The following EFR3A variants were observed in gnomAD, a reference collection of about 807,000 sequenced individuals.
EFR3A encodes the protein protein EFR3 homolog A.
A neutral mutation model predicts 104.4 loss-of-function variants in EFR3A; 76 were observed. That is an observed-to-expected ratio of 0.73 (90% CI 0.60 to 0.88). The LOEUF is 0.88. EFR3A is among the 40% of genes least tolerant of loss of function. The pLI is 0.00. For missense variants in EFR3A, 985 were observed against 1,012.5 expected (o/e 0.97, Z 0.37); for synonymous variants, 330 against 330.0 (o/e 1.00, Z 0.00).
At position 131,978,872 on chromosome 8, in the gene EFR3A, C is replaced by T. The variant is rs770980074; in HGVS notation, c.1352C>T (p.Thr451Met). Residue 451 changes from threonine (T) to methionine (M), a missense_variant, in exon 13 of 23, where the codon ACG becomes ATG. Transcript: ENST00000254624. The part of the protein sequence containing the change: ...LMVTSGYKAK[T>M]IVTALPGSFL... ...GTGACCTCTGGATATAAAGCGAAGA[C>T]GATTGTTACTGCACTGCCAGGGTCT... 40 of 1,604,558 alleles carry T rather than the reference C, an allele frequency of 2.5e-5. No homozygotes were observed. Among genetic ancestry groups the T allele is most frequent in the East Asian group, 1.8e-4 (8 of 44,654 alleles).
intron 10 of EFR3A, among the ~76,000 whole-genome samples, chr8:131,975,377 A>G (rs1038627260): frequency 4.6e-5 from 7 of 151,282 alleles, no homozygotes; most frequent in Admixed American, 2.0e-4. Flanking sequence ...CATCAGAAAT[A>G]CTACCAAAAT....
chr8:131,987,991 C>A (rs1189164409), intron 18 of EFR3A, among the ~76,000 whole-genome samples: 1 of 151,948 alleles, frequency 6.6e-6, no homozygotes, highest in Non-Finnish European at 1.5e-5. Flanking sequence ...AAAGTGAGAT[C>A]TTTTCTCATT....
chr8:131,927,303 G>C (rs1021153927), intron 1 of EFR3A, among the ~76,000 whole-genome samples: 2 of 152,134 alleles, frequency 1.3e-5, no homozygotes, highest in South Asian at 4.1e-4. Flanking sequence ...ATGTTAGTTT[G>C]CCACTGCCTT....
chr8:131,946,405 C>T (rs1818442585), intron 3 of EFR3A, 78 bp from the exon 4 acceptor site: 2 of 1,312,526 alleles, frequency 1.5e-6, no homozygotes, highest in Non-Finnish European at 2.0e-6. Context: ...AGACTTATTT[C>T]AGTTCTTCCA....
intron 19 of EFR3A, among the ~76,000 whole-genome samples, chr8:131,997,247 T>C (rs925474319): frequency 6.6e-6 from 1 of 152,126 alleles, no homozygotes; most frequent in African/African-American, 2.4e-5. Flanking sequence ...TATCCATTGT[T>C]TGCCTTCCTA....
chr8:132,002,031 T>A lies in EFR3A; in HGVS notation c.2206+224T>A, dbSNP rs926451764. ...GAACAAACAGACACAATTATGGCAG[T>A]GATATAAAAGAAGACATTTATTAAT... On this transcript the variant is annotated intron_variant, in intron 20 of 22. Transcript: ENST00000254624. Among the ~76,000 whole-genome samples the A allele has an allele frequency of 2.6e-5, 4 of 152,186 alleles. No individual in the cohort carries two copies. The East Asian group carries it at 5.8e-4, about 22-fold the overall frequency.
At chr8:131,965,133 T>C (rs1819627965) in intron 8 of EFR3A, among the ~76,000 whole-genome samples, 1 of 152,098 alleles carries the variant, frequency 6.6e-6, no homozygotes, top group Admixed American at 6.5e-5. Flanking sequence ...ACCTAGGCAA[T>C]ACCATTCAGG....
At chr8:131,966,119 G>A (rs1036012389) in intron 8 of EFR3A, among the ~76,000 whole-genome samples, 1 of 152,122 alleles carries the variant, frequency 6.6e-6, no homozygotes, top group African/African-American at 2.4e-5. Context: ...TAAATGACGA[G>A]TTAATGGGTG....
At chr8:132,004,362 C>T (rs1359791361) in intron 22 of EFR3A, among the ~76,000 whole-genome samples, 1 of 152,206 alleles carries the variant, frequency 6.6e-6, no homozygotes, top group Non-Finnish European at 1.5e-5. Flanking sequence ...GCTCCGCTTC[C>T]TGTCAGATCA....
At chr8:131,927,875 G>A (rs562543743) in intron 1 of EFR3A, among the ~76,000 whole-genome samples, 22 of 152,132 alleles carry the variant, frequency 1.4e-4, no homozygotes, top group Admixed American at 3.3e-4. Context: ...GAAACTACCC[G>A]GAAACAAGTT....
At chr8:131,914,453 T>C (rs1009296183) in intron 1 of EFR3A, among the ~76,000 whole-genome samples, 8 of 152,152 alleles carry the variant, frequency 5.3e-5, no homozygotes, top group African/African-American at 1.9e-4. Flanking sequence ...GGATTTCATA[T>C]TGCTCTTGAC....
chr8:131,966,543 T>C (rs1819749507), intron 8 of EFR3A, among the ~76,000 whole-genome samples: 1 of 152,182 alleles, frequency 6.6e-6, no homozygotes. Context: ...TTTGGGTGCT[T>C]TATACAAATT....
At chr8:131,961,892 G>A (rs1819363286) in intron 8 of EFR3A, among the ~76,000 whole-genome samples, 1 of 152,154 alleles carries the variant, frequency 6.6e-6, no homozygotes, top group Non-Finnish European at 1.5e-5. Context: ...AGAAGAGAGT[G>A]GGGGCCAATA....
At chr8:131,940,610 G>A (rs746921041) in intron 2 of EFR3A, 35 bp downstream of exon 2, 29 of 1,580,942 alleles carry the variant, frequency 1.8e-5, no homozygotes, top group Non-Finnish European at 2.3e-5. Flanking sequence ...CCTTCTCTTT[G>A]CTGACCCATT....
At chr8:131,949,834 A>C in intron 4 of EFR3A, 135 bp from the exon 5 acceptor site, 1 of 818,682 alleles carries the variant, frequency 1.2e-6, no homozygotes, top group Non-Finnish European at 1.8e-6. Context: ...TTTCTTCTGT[A>C]TTAATGTTGT....
At chr8:131,939,059 A>G (rs577539160) in intron 1 of EFR3A, among the ~76,000 whole-genome samples, 2 of 152,196 alleles carry the variant, frequency 1.3e-5, no homozygotes, top group East Asian at 3.9e-4. Flanking sequence ...TGGGAATCCT[A>G]TCTTAAGGGT....
In EFR3A at chr8:131,986,216, A is replaced by G; in HGVS notation, c.1892A>G (p.Glu631Gly). The G allele has an allele frequency of 1.3e-6, 2 of 1,594,268 alleles. No individual in the cohort carries two copies. Among genetic ancestry groups the G allele is most frequent in the South Asian group, 1.1e-5 (1 of 89,224 alleles). Reference sequence around the variant, plus strand: ...TAGGTTATTGAAATTCGAACTATGGAAGCCCCTTATTTTCTACCAGAGCAT... The same window carrying G: ...TAGGTTATTGAAATTCGAACTATGGGAGCCCCTTATTTTCTACCAGAGCAT... ...VSKVIEIRTMEAPYFLPEHIF... is the reference protein window; with the variant it reads ...VSKVIEIRTMGAPYFLPEHIF... Residue 631 changes from glutamate (E) to glycine (G), a missense_variant, in exon 17 of 23, where the codon GAA (glutamate) becomes GGA (glycine). Coordinates refer to ENST00000254624, the MANE Select transcript of EFR3A (RefSeq NM_015137.6).
At chr8:131,982,218 A>G (rs1000035937) in intron 14 of EFR3A, among the ~76,000 whole-genome samples, 5 of 152,082 alleles carry the variant, frequency 3.3e-5, no homozygotes, top group South Asian at 2.1e-4. Flanking sequence ...ATGTCCTTGA[A>G]CTATATTGTT....
rs556558418 is a variant in EFR3A, at chr8:131,987,500, G to C, written c.1938-75G>C. The C allele has an allele frequency of 2.4e-5, 34 of 1,443,566 alleles. No individual in the cohort carries two copies. In the African/African-American group the frequency reaches 3.6e-4, roughly 15 times the overall value. The allele number at this position is 1,443,566 out of a possible 1,614,324, so 89.4% of individuals were successfully genotyped here. A position where few individuals can be genotyped will look rare whatever the true frequency, so the allele number is the denominator to read the frequency against. Reference sequence around the variant, plus strand: ...TTAGAATATTGAGGCTTTTGCTCTGGAATGTTTTGCATAGTAACTTATTTT... The same window carrying C: ...TTAGAATATTGAGGCTTTTGCTCTGCAATGTTTTGCATAGTAACTTATTTT... On this transcript the variant is annotated intron_variant, in intron 17 of 22. Transcript: ENST00000254624.
Sources: allele counts gnomAD v4.1 joint callset (sites outside exome capture counted in the v4.1 genomes callset), GRCh38; gene constraint gnomAD v4.1.1; transcripts MANE v1.5; gene names NCBI Gene and HGNC (gene_info 2026-07-23, HGNC 2026-07-21).